AMPH: variants seen among roughly 807,000 people sequenced by gnomAD.
AMPH encodes amphiphysin (Stiff-Mann syndrome with breast cancer 128kD autoantigen).
A neutral mutation model predicts 99.1 loss-of-function variants in AMPH; 49 were observed. That is an observed-to-expected ratio of 0.49 (90% confidence interval 0.39 to 0.63). AMPH has a LOEUF of 0.63. Among genes scored for constraint, AMPH ranks in the 20% least tolerant of loss-of-function variants. The pLI is 0.00. For missense variants in AMPH, 759 were observed against 863.4 expected (o/e 0.88, Z 1.52); for synonymous variants, 314 against 317.3 (o/e 0.99, Z 0.11).
chr7:38,574,299 G>A (rs1056311557), intron 1 of AMPH, among the ~76,000 whole-genome samples: 2 of 152,196 alleles, frequency 1.3e-5, no homozygotes, highest in African/African-American at 2.4e-5. Context: ...CAACTGAGAG[G>A]TGATTTATCA....
chr7:38,630,035 C>T (rs1350492899), intron 1 of AMPH, among the ~76,000 whole-genome samples: 1 of 152,186 alleles, frequency 6.6e-6, no homozygotes, highest in Non-Finnish European at 1.5e-5. Flanking sequence ...TGCTCAGCAA[C>T]TCATGGTCAG....
chr7:38,426,245 G>A (rs1284203986), intron 15 of AMPH, among the ~76,000 whole-genome samples: 2 of 152,204 alleles, frequency 1.3e-5, no homozygotes, highest in African/African-American at 4.8e-5. Context: ...CATTGAAGAG[G>A]TTGTCAGAAC....
rs143920355 is a variant in AMPH at position 38,610,104 on chromosome 7, C to T, written c.69+21179G>A. 2.9e-3 allele frequency among the ~76,000 whole-genome samples: 436 copies of T among 150,400 alleles called. 2 individuals carry two copies. The highest frequency in any genetic ancestry group is 9.5e-3 in the African/African-American group (387 of 40,826). On this transcript the variant is annotated intron_variant, in intron 1 of 20. Transcript: ENST00000356264. ...ATACAAAACTAGCTGGATGTGGTGG[C>T]GCATGCCTGTAATCCCAGCTACTCG... is the stretch of plus-strand genomic sequence containing the variant.
intron 1 of AMPH, among the ~76,000 whole-genome samples, chr7:38,625,355 G>C (rs1297890603): frequency 6.6e-6 from 1 of 152,148 alleles, no homozygotes; most frequent in Non-Finnish European, 1.5e-5. Flanking sequence ...ATCTGATGAA[G>C]CAAGAAGAAA....
chr7:38,510,125 C>T (rs1039194499), intron 2 of AMPH, among the ~76,000 whole-genome samples: 3 of 152,172 alleles, frequency 2.0e-5, no homozygotes, highest in African/African-American at 7.2e-5. Flanking sequence ...TCTCACAGTT[C>T]TGGAGGCTGA....
intron 2 of AMPH, among the ~76,000 whole-genome samples, chr7:38,522,374 T>C (rs765308716): frequency 3.9e-5 from 6 of 152,216 alleles, no homozygotes; most frequent in Non-Finnish European, 7.3e-5. Context: ...CATTGATTTA[T>C]TTTACAGACT....
rs185232356 is a variant in AMPH at position 38,603,520 on chromosome 7, C to A, written c.69+27763G>T. ...TGGGTGCCAGATCCTTCCTAGCACC[C>A]GAACCATATTTGGTAGTTAGCTAGG... On this transcript the variant is annotated intron_variant, in intron 1 of 20. Transcript: ENST00000356264. Among the ~76,000 whole-genome samples the A allele has an allele frequency of 7.9e-5, 12 of 152,194 alleles. No homozygotes were observed. In the East Asian group the frequency reaches 2.3e-3, roughly 29 times the overall value.
intron 1 of AMPH, among the ~76,000 whole-genome samples, chr7:38,582,681 G>A (rs180731819): frequency 8.6e-4 from 131 of 152,244 alleles, no homozygotes; most frequent in African/African-American, 2.8e-3. Context: ...GTTGTAAAGA[G>A]GTCCTGAGAT....
chr7:38,392,211 T>C (rs929818760), intron 18 of AMPH, among the ~76,000 whole-genome samples, 194 bp from the exon 19 acceptor site: 13 of 151,660 alleles, frequency 8.6e-5, no homozygotes, highest in Non-Finnish European at 1.8e-4. Context: ...CCTAAACCCT[T>C]AGTGGAATTA....
chr7:38,474,568 T>C (rs1267031079), intron 7 of AMPH, among the ~76,000 whole-genome samples: 2 of 152,196 alleles, frequency 1.3e-5, no homozygotes, highest in African/African-American at 4.8e-5. Flanking sequence ...AGGAAGGCTT[T>C]AGAGGCAAAT....
intron 14 of AMPH, 168 bp downstream of exon 14, chr7:38,429,674 G>T: frequency 7.6e-7 from 1 of 1,315,318 alleles, no homozygotes; most frequent in East Asian, 2.5e-5. Flanking sequence ...CTCTTCAGGC[G>T]AGTAGCACCA....
At chr7:38,395,240 A>C (rs1348406761) in intron 17 of AMPH, among the ~76,000 whole-genome samples, 1 of 152,088 alleles carries the variant, frequency 6.6e-6, no homozygotes, top group Non-Finnish European at 1.5e-5. Flanking sequence ...AAAATACATA[A>C]GGAAGCTTTC....
chr7:38,571,298 T>TGAATATATATATTTATATATA (rs1477903353), intron 1 of AMPH, among the ~76,000 whole-genome samples: 8 of 78,014 alleles, frequency 1.0e-4, no homozygotes, highest in East Asian at 3.6e-4. Context: ...TATTTATATA[T>TGAATATATATATTTATATATA]GAATATATAT....
At chr7:38,577,056 G>T (rs889875858) in intron 1 of AMPH, among the ~76,000 whole-genome samples, 3 of 152,064 alleles carry the variant, frequency 2.0e-5, no homozygotes, top group African/African-American at 7.2e-5. Context: ...TTCTTTTCTA[G>T]TCTACATACA....
intron 17 of AMPH, among the ~76,000 whole-genome samples, chr7:38,407,076 ATGTGTGTG>A (rs70975098): frequency 0.036 from 715 of 19,596 alleles, 31 homozygotes; most frequent in South Asian, 0.1. Context: ...ATATATATAT[ATGTGTGTG>A]TGTGTGTGTG....
At chr7:38,492,852 A>AT (rs574717713) in intron 4 of AMPH, among the ~76,000 whole-genome samples, 1 of 152,166 alleles carries the variant, frequency 6.6e-6, no homozygotes, top group South Asian at 2.1e-4. Flanking sequence ...CTTAAAAATT[A>AT]TTTTTTTGTG....
intron 1 of AMPH, among the ~76,000 whole-genome samples, chr7:38,591,120 A>C (rs1584280558): frequency 6.6e-6 from 1 of 152,216 alleles, no homozygotes; most frequent in Middle Eastern, 3.4e-3. Flanking sequence ...TCATAGGGCT[A>C]GGTTACCAGG....
At chr7:38,389,982 AC>A (rs1674953561) in intron 19 of AMPH, 77 bp from the exon 20 acceptor site, 1 of 1,135,854 alleles carries the variant, frequency 8.8e-7, no homozygotes, top group Admixed American at 1.7e-5. Context: ...TCACTCTCCA[AC>A]CTGGATGAAA....
At chr7:38,612,823 C>T (rs1793733214) in intron 1 of AMPH, among the ~76,000 whole-genome samples, 1 of 152,150 alleles carries the variant, frequency 6.6e-6, no homozygotes, top group South Asian at 2.1e-4. Flanking sequence ...AAACAAGGTG[C>T]TTCCCCATTT....
Sources: gnomAD v4.1 joint callset for allele counts (sites outside exome capture counted in the v4.1 genomes callset) on GRCh38, gnomAD v4.1.1 for gene constraint, MANE v1.5 for transcripts, NCBI Gene and HGNC (gene_info 2026-07-23, HGNC 2026-07-21) for gene names.